SARNP: variants seen among roughly 807,000 people sequenced by gnomAD.
SARNP encodes the protein SAP domain-containing ribonucleoprotein.
SARNP carries 5 observed loss-of-function variants against 38.1 expected under a neutral mutation model. That is an observed-to-expected ratio of 0.13 (90% CI 0.07 to 0.28). The LOEUF is 0.28. Ranked by LOEUF, SARNP falls within the 10% of genes least tolerant of loss-of-function variation. SARNP has a pLI of 1.00. For synonymous variants in SARNP, 84 were observed against 80.6 expected, an observed-to-expected ratio of 1.04 and a Z score of -0.23; for missense variants, 180 against 243.9, an observed-to-expected ratio of 0.74 and a Z score of 1.75.
At chr12:55,811,572 A>AAAACAAAC (rs147810706) in intron 1 of SARNP, among the ~76,000 whole-genome samples, 1 of 150,480 alleles carries the variant, frequency 6.6e-6, no homozygotes. Flanking sequence ...ACTGTCTCAA[A>AAAACAAAC]AAACAAACAA....
chr12:55,795,974 A>C, intron 5 of SARNP, 51 bp downstream of exon 5: 2 of 1,245,988 alleles, frequency 1.6e-6, no homozygotes, highest in Non-Finnish European at 2.3e-6. Context: ...ATAAAGGGTA[A>C]GAGGGAGAGA....
intron 9 of SARNP, among the ~76,000 whole-genome samples, chr12:55,775,458 G>A (rs1457198610): frequency 7.0e-6 from 1 of 142,364 alleles, no homozygotes; most frequent in Non-Finnish European, 1.5e-5. Context: ...CTACTCAGGA[G>A]GCTGAGGCAG....
At chr12:55,777,186 T>C (rs936179762) in intron 9 of SARNP, among the ~76,000 whole-genome samples, 1 of 152,026 alleles carries the variant, frequency 6.6e-6, no homozygotes, top group Non-Finnish European at 1.5e-5. Context: ...CAGAGAGAAA[T>C]ACATAAAATT....
At chr12:55,755,576 A>T (rs1057373183), downstream of SARNP, 1 of 152,206 alleles carries the variant, frequency 6.6e-6, no homozygotes, top group African/African-American at 2.4e-5. Flanking sequence ...TCTCAGGTAA[A>T]CAATTACAAG....
chr12:55,798,509 A>G (rs1040864057), intron 4 of SARNP, among the ~76,000 whole-genome samples: 15 of 152,268 alleles, frequency 9.9e-5, no homozygotes, highest in Non-Finnish European at 2.2e-4. Flanking sequence ...AAAATAAATA[A>G]ATAAAGGGAT....
chr12:55,779,472 G>A (rs1420882352), intron 9 of SARNP, among the ~76,000 whole-genome samples: 1 of 152,146 alleles, frequency 6.6e-6, no homozygotes, highest in African/African-American at 2.4e-5. Context: ...TACTAAGCAG[G>A]CTACTTTTCC....
At chr12:55,794,027 T>C (rs1006384372) in intron 7 of SARNP, 3 of 254,230 alleles carry the variant, frequency 1.2e-5, no homozygotes, top group Non-Finnish European at 2.3e-5. Context: ...TCACTTATAA[T>C]AGCCAGTATA....
At chr12:55,789,272 T>C (rs1353003002) in intron 8 of SARNP, 129 bp from the exon 9 acceptor site, 4 of 606,066 alleles carry the variant, frequency 6.6e-6, no homozygotes, top group Non-Finnish European at 1.1e-5. Flanking sequence ...ATGAGCAAAA[T>C]AAGAAAACTA....
chr12:55,766,586 A>G (rs1204334624), intron 9 of SARNP, among the ~76,000 whole-genome samples: 2 of 118,682 alleles, frequency 1.7e-5, no homozygotes, highest in Admixed American at 2.4e-4. Flanking sequence ...AACAGAAAGC[A>G]TAGTCTATAT....
rs922335654 is a variant in SARNP, at chr12:55,757,321, CACA to C, written c.*188_*190del. ...CAAGCAACATAATCAAAAACAAAAACACAACAACCTTAAAGCTGAAACAGCAAT... is the reference window on the plus strand; with the variant it reads ...CAAGCAACATAATCAAAAACAAAAACACAACCTTAAAGCTGAAACAGCAAT... On this transcript the variant is annotated 3_prime_UTR_variant, in exon 11 of 11. Transcript: ENST00000336133. 28 of 411,940 alleles carry C rather than the reference CACA, an allele frequency of 6.8e-5. No individual in the cohort carries two copies. In the Middle Eastern group the frequency reaches 1.8e-3, roughly 26 times the overall value. 25.5% of individuals were successfully genotyped at this position (411,940 alleles called of 1,614,324 possible).
At chr12:55,789,788 A>C (rs1311355574) in intron 8 of SARNP, among the ~76,000 whole-genome samples, 1 of 152,058 alleles carries the variant, frequency 6.6e-6, no homozygotes, top group African/African-American at 2.4e-5. Flanking sequence ...TACTAAAAAT[A>C]CAAAAATTAG....
chr12:55,769,166 T>C (rs1418445424), intron 9 of SARNP, among the ~76,000 whole-genome samples: 6 of 152,252 alleles, frequency 3.9e-5, no homozygotes, highest in Admixed American at 1.3e-4. Flanking sequence ...TCTATCTATG[T>C]AGATCCAATC....
At chr12:55,765,006 A>G (rs1455527002) in intron 9 of SARNP, among the ~76,000 whole-genome samples, 2 of 152,192 alleles carry the variant, frequency 1.3e-5, no homozygotes, top group South Asian at 4.1e-4. Context: ...TCTAGTTGAT[A>G]TATCTTCACT....
chr12:55,794,758 C>A, intron 6 of SARNP, 49 bp downstream of exon 6: 1 of 1,077,624 alleles, frequency 9.3e-7, no homozygotes, highest in South Asian at 1.3e-5. Flanking sequence ...CACACATCTT[C>A]ATCTTTACAA....
intron 1 of SARNP, among the ~76,000 whole-genome samples, chr12:55,806,672 T>C (rs1002044810): frequency 8.5e-5 from 13 of 152,186 alleles, no homozygotes; most frequent in African/African-American, 3.1e-4. Flanking sequence ...CCCGATTAGC[T>C]GGGACTACAG....
chr12:55,797,841 T>C (rs1012479945), intron 4 of SARNP, among the ~76,000 whole-genome samples: 1 of 152,240 alleles, frequency 6.6e-6, no homozygotes, highest in African/African-American at 2.4e-5. Context: ...AATCTTTTTG[T>C]ACATACTTCA....
intron 7 of SARNP, 141 bp from the exon 8 acceptor site, chr12:55,790,733 T>C: frequency 1.2e-6 from 1 of 822,936 alleles, no homozygotes. Flanking sequence ...AGCGATCATG[T>C]CTGCATTCAC....
intron 5 of SARNP, among the ~76,000 whole-genome samples, chr12:55,795,657 G>C (rs564369226): frequency 6.6e-6 from 1 of 152,228 alleles, no homozygotes; most frequent in Non-Finnish European, 1.5e-5. Context: ...TCACAGTCCT[G>C]CACCACAGAA....
chr12:55,795,962 T>C (rs1467727091), intron 5 of SARNP, 63 bp downstream of exon 5: 4 of 1,126,980 alleles, frequency 3.5e-6, no homozygotes, highest in Non-Finnish European at 1.3e-6. Flanking sequence ...GATGCAGATA[T>C]AATAAAGGGT....
Sources: gnomAD v4.1 joint callset for allele counts (sites outside exome capture counted in the v4.1 genomes callset) on GRCh38, gnomAD v4.1.1 for gene constraint, MANE v1.5 for transcripts, NCBI Gene and HGNC (gene_info 2026-07-23, HGNC 2026-07-21) for gene names.